The following LAMA2 variants were observed in gnomAD, a reference collection of about 807,000 sequenced individuals.
LAMA2 encodes laminin subunit alpha 2.
In LAMA2, 269 loss-of-function variants were observed where a neutral mutation model predicts 364.8. The observed-to-expected ratio is 0.74, with a 90% CI of 0.67 to 0.82. The LOEUF (loss-of-function observed/expected upper bound fraction) is 0.82. Among genes scored for constraint, LAMA2 ranks in the 40% least tolerant of loss-of-function variants. The pLI is 0.00. For missense variants in LAMA2, 3,807 were observed against 3,873.2 expected, an observed-to-expected ratio of 0.98 and a Z score of 0.45; for synonymous variants, 1,379 against 1,370.6, an observed-to-expected ratio of 1.01 and a Z score of -0.14.
At chr6:128,889,744 T>C (rs1303378253) in intron 1 of LAMA2, among the ~76,000 whole-genome samples, 3 of 152,198 alleles carry the variant, frequency 2.0e-5, no homozygotes, top group Non-Finnish European at 4.4e-5. Context: ...TAAAGATAGT[T>C]TGAGACATAT....
At chr6:129,172,970 A>C (rs188122744) in intron 9 of LAMA2, among the ~76,000 whole-genome samples, 1 of 152,224 alleles carries the variant, frequency 6.6e-6, no homozygotes, top group Admixed American at 6.5e-5. Context: ...TGTGACTCGG[A>C]AAGGGAACTC....
At chr6:128,891,465 T>C (rs1582611638) in intron 1 of LAMA2, among the ~76,000 whole-genome samples, 2 of 152,214 alleles carry the variant, frequency 1.3e-5, no homozygotes, top group East Asian at 3.9e-4. Flanking sequence ...GGCTGAAAGT[T>C]TGAAAGAGAA....
intron 12 of LAMA2, among the ~76,000 whole-genome samples, chr6:129,213,294 C>T (rs1272987131): frequency 6.6e-6 from 1 of 152,186 alleles, no homozygotes; most frequent in Non-Finnish European, 1.5e-5. Context: ...AAACATCCTG[C>T]TTGCTACCAT....
intron 1 of LAMA2, among the ~76,000 whole-genome samples, chr6:129,025,497 A>G (rs1785748446): frequency 6.6e-6 from 1 of 152,190 alleles, no homozygotes; most frequent in Non-Finnish European, 1.5e-5. Flanking sequence ...GCTTTAACAT[A>G]TCTAGAGGCA....
chr6:129,353,551 A>C (rs1475645498), intron 32 of LAMA2, among the ~76,000 whole-genome samples, 194 bp downstream of exon 32: 2 of 151,368 alleles, frequency 1.3e-5, no homozygotes, highest in Non-Finnish European at 2.9e-5. Context: ...CTGCTGAGCC[A>C]AGAACAGCTG....
intron 1 of LAMA2, among the ~76,000 whole-genome samples, chr6:128,915,895 A>G (rs1778282987): frequency 6.6e-6 from 1 of 152,210 alleles, no homozygotes; most frequent in Admixed American, 6.6e-5. Flanking sequence ...TAGTCTACCA[A>G]CTATTAATGA....
intron 12 of LAMA2, among the ~76,000 whole-genome samples, chr6:129,236,112 T>C (rs573093317): frequency 1.3e-5 from 2 of 152,328 alleles, no homozygotes; most frequent in African/African-American, 4.8e-5. Context: ...ACTGTACATA[T>C]GTATAGCCTC....
At chr6:129,234,911 A>T (rs1277535274) in intron 12 of LAMA2, among the ~76,000 whole-genome samples, 1 of 152,184 alleles carries the variant, frequency 6.6e-6, no homozygotes, top group East Asian at 1.9e-4. Flanking sequence ...CCTACTGTAA[A>T]TTGAGGTCTA....
At chr6:129,509,587 C>T (rs1786402106) in intron 62 of LAMA2, among the ~76,000 whole-genome samples, 1 of 152,024 alleles carries the variant, frequency 6.6e-6, no homozygotes, top group Non-Finnish European at 1.5e-5. Context: ...TCCAGTTTTC[C>T]CTGCACCATT....
intron 8 of LAMA2, chr6:129,158,578 T>C: frequency 6.2e-7 from 1 of 1,614,090 alleles, no homozygotes; most frequent in Non-Finnish European, 8.5e-7. Flanking sequence ...CTTGAGATGC[T>C]CTTGCAATAA....
intron 32 of LAMA2, among the ~76,000 whole-genome samples, chr6:129,353,966 A>G (rs905237667): frequency 6.6e-6 from 1 of 152,214 alleles, no homozygotes; most frequent in Non-Finnish European, 1.5e-5. Flanking sequence ...CTAGTGCCAT[A>G]TTGAAAGTAC....
intron 1 of LAMA2, among the ~76,000 whole-genome samples, chr6:128,976,931 AG>A (rs1490739216): frequency 1.1e-4 from 17 of 152,202 alleles, no homozygotes; most frequent in African/African-American, 3.9e-4. Context: ...TGGGGTTCCC[AG>A]TGTAATACAG....
At chr6:129,159,672 A>C (rs1267084647) in intron 8 of LAMA2, among the ~76,000 whole-genome samples, 3 of 152,190 alleles carry the variant, frequency 2.0e-5, no homozygotes, top group Non-Finnish European at 2.9e-5. Flanking sequence ...TGACATCTTC[A>C]CTTTGTTCTG....
intron 40 of LAMA2, among the ~76,000 whole-genome samples, chr6:129,409,256 T>G (rs1374028164): frequency 1.3e-5 from 2 of 152,174 alleles, no homozygotes; most frequent in Non-Finnish European, 2.9e-5. Context: ...TCTTGCAGAA[T>G]CATCTGTGAA....
intron 8 of LAMA2, among the ~76,000 whole-genome samples, chr6:129,162,623 T>C (rs1231326248): frequency 2.0e-5 from 3 of 152,174 alleles, no homozygotes; most frequent in South Asian, 2.1e-4. Context: ...GGCACCATTA[T>C]TTTCTGGATT....
At chr6:128,918,264 T>C (rs1562828606) in intron 1 of LAMA2, among the ~76,000 whole-genome samples, 1 of 152,282 alleles carries the variant, frequency 6.6e-6, no homozygotes, top group East Asian at 1.9e-4. Context: ...TTCAATTTAG[T>C]AAAGTAGGAC....
At chr6:128,888,666 C>G (rs1776281128) in intron 1 of LAMA2, among the ~76,000 whole-genome samples, 1 of 152,112 alleles carries the variant, frequency 6.6e-6, no homozygotes, top group Non-Finnish European at 1.5e-5. Context: ...GTACAGGGAG[C>G]AGGCCTATGA....
At chr6:129,269,157 T>C (rs2114351654) in intron 16 of LAMA2, among the ~76,000 whole-genome samples, 1 of 152,200 alleles carries the variant, frequency 6.6e-6, no homozygotes, top group East Asian at 1.9e-4. Flanking sequence ...TCTAAACTTC[T>C]GCAATAGTGT....
chr6:129,157,893 G>T (rs1434869628), intron 8 of LAMA2: 187 of 1,614,076 alleles, frequency 1.2e-4, no homozygotes, highest in Non-Finnish European at 1.5e-4. Context: ...CAGCACTTCT[G>T]GAGCCAGGTA....
Sources: gnomAD v4.1 joint callset for allele counts (sites outside exome capture counted in the v4.1 genomes callset) on GRCh38, gnomAD v4.1.1 for gene constraint, MANE v1.5 for transcripts, NCBI Gene and HGNC (gene_info 2026-07-23, HGNC 2026-07-21) for gene names.